Variants in FRMD4A observed in about 807,000 individuals in gnomAD.
The protein encoded by FRMD4A is FERM domain-containing protein 4A.
FRMD4A carries 29 observed loss-of-function variants against 129.1 expected under a neutral mutation model. The ratio of observed to expected loss-of-function variants is 0.22; its 90% CI spans 0.17 to 0.31. FRMD4A has a LOEUF of 0.31. Among genes scored for constraint, FRMD4A ranks in the 10% least tolerant of loss-of-function variants. FRMD4A has a pLI of 1.00. For missense variants in FRMD4A, 1,272 were observed against 1,375.8 expected (o/e 0.92, Z 1.19); for synonymous variants, 634 against 571.6 (o/e 1.11, Z -1.56).
chr10:14,243,565 T>C (rs1844126540), intron 2 of FRMD4A, among the ~76,000 whole-genome samples: 1 of 152,074 alleles, frequency 6.6e-6, no homozygotes, highest in Non-Finnish European at 1.5e-5. Context: ...GCAAATATTA[T>C]GTGAGTCCAT....
intron 2 of FRMD4A, chr10:14,008,320 A>T: frequency 9.6e-7 from 1 of 1,039,962 alleles, no homozygotes; most frequent in Non-Finnish European, 1.2e-6. Context: ...CATCTGAGTC[A>T]AGATGTGGTT....
intron 2 of FRMD4A, among the ~76,000 whole-genome samples, chr10:14,186,533 A>T (rs1447425785): frequency 6.6e-6 from 1 of 152,168 alleles, no homozygotes; most frequent in Non-Finnish European, 1.5e-5. Flanking sequence ...TGCTTTTCTC[A>T]CAAACCTGGT....
At chr10:13,988,588 A>G (rs1003786640) in intron 2 of FRMD4A, among the ~76,000 whole-genome samples, 1 of 152,228 alleles carries the variant, frequency 6.6e-6, no homozygotes, top group Admixed American at 6.5e-5. Context: ...ATATCTACAT[A>G]TATACATAGA....
chr10:14,214,926 A>C (rs1843029953), intron 2 of FRMD4A, among the ~76,000 whole-genome samples: 1 of 152,240 alleles, frequency 6.6e-6, no homozygotes, highest in South Asian at 2.1e-4. Context: ...AATGAATTGC[A>C]CCAATAAATC....
At chr10:13,754,572 G>A (rs947211820) in intron 8 of FRMD4A, among the ~76,000 whole-genome samples, 1 of 20,830 alleles carries the variant, frequency 4.8e-5, no homozygotes, top group African/African-American at 2.9e-4. Flanking sequence ...TCTTTCGTGT[G>A]TGTGTGTGTG....
intron 2 of FRMD4A, among the ~76,000 whole-genome samples, chr10:14,021,908 G>A (rs953213968): frequency 6.6e-6 from 1 of 152,034 alleles, no homozygotes; most frequent in African/African-American, 2.4e-5. Flanking sequence ...AGACACCAGA[G>A]TACAACCTGG....
chr10:14,238,458 A>G (rs1843911367), intron 2 of FRMD4A, among the ~76,000 whole-genome samples: 1 of 152,162 alleles, frequency 6.6e-6, no homozygotes, highest in Non-Finnish European at 1.5e-5. Flanking sequence ...GGATCTTTTA[A>G]CATATCTTTT....
chr10:13,735,406 A>C (rs2090573951), intron 12 of FRMD4A, among the ~76,000 whole-genome samples: 1 of 152,174 alleles, frequency 6.6e-6, no homozygotes, highest in Non-Finnish European at 1.5e-5. Flanking sequence ...ATTATTGTAA[A>C]TTCTCTTATT....
At chr10:14,226,107 T>G (rs12219502) in intron 2 of FRMD4A, among the ~76,000 whole-genome samples, 1 of 152,138 alleles carries the variant, frequency 6.6e-6, no homozygotes, top group Admixed American at 6.5e-5. Flanking sequence ...CCTCCCTGCA[T>G]GTTTTTTTTA....
intron 2 of FRMD4A, among the ~76,000 whole-genome samples, chr10:13,884,194 A>ACACTCACACACACTCACACACACACT (rs2094587770): frequency 1.3e-5 from 1 of 79,836 alleles, no homozygotes; most frequent in East Asian, 3.7e-4. Flanking sequence ...ACACACACAC[A>ACACTCACACACACTCACACACACACT]CTCACACACA....
intron 12 of FRMD4A, chr10:13,707,881 G>C: frequency 8.1e-6 from 8 of 985,394 alleles, no homozygotes; most frequent in Non-Finnish European, 9.6e-6. Flanking sequence ...CTTCGGACCA[G>C]TGAGCTCGTT....
intron 2 of FRMD4A, among the ~76,000 whole-genome samples, chr10:13,933,692 A>G (rs2698121): frequency 0.054 from 8,204 of 152,172 alleles, 530 homozygotes; most frequent in East Asian, 0.27. Context: ...TCAACATAAG[A>G]AGTTTTGTTG....
intron 2 of FRMD4A, among the ~76,000 whole-genome samples, chr10:14,052,470 G>A (rs1344644186): frequency 6.6e-6 from 1 of 152,164 alleles, no homozygotes; most frequent in Non-Finnish European, 1.5e-5. Context: ...TGAGGCCTCA[G>A]GAAGCTTTTA....
At chr10:14,078,335 G>C (rs12257760) in intron 2 of FRMD4A, among the ~76,000 whole-genome samples, 1 of 152,110 alleles carries the variant, frequency 6.6e-6, no homozygotes, top group Non-Finnish European at 1.5e-5. Context: ...CAACCAAATG[G>C]GGTAGAACCC....
At chr10:13,846,575 A>G (rs11258669) in intron 3 of FRMD4A, among the ~76,000 whole-genome samples, 18,854 of 152,214 alleles carry the variant, frequency 0.12, 1,677 homozygotes, top group Non-Finnish European at 0.18. Flanking sequence ...GCTTCTGTCC[A>G]TTACTATGGA....
At chr10:14,227,717 G>A (rs1236492167) in intron 2 of FRMD4A, among the ~76,000 whole-genome samples, 1 of 152,078 alleles carries the variant, frequency 6.6e-6, no homozygotes, top group East Asian at 1.9e-4. Flanking sequence ...CACTAGACTG[G>A]AAGCTCTAGG....
At chr10:14,178,097 C>A (rs1841793970) in intron 2 of FRMD4A, among the ~76,000 whole-genome samples, 1 of 152,210 alleles carries the variant, frequency 6.6e-6, no homozygotes, top group African/African-American at 2.4e-5. Context: ...TGCTATACTG[C>A]AGAAGCTTCA....
At chr10:14,061,979 C>A (rs1834836406) in intron 2 of FRMD4A, among the ~76,000 whole-genome samples, 1 of 152,044 alleles carries the variant, frequency 6.6e-6, no homozygotes, top group Non-Finnish European at 1.5e-5. Flanking sequence ...TTGTTCCTTG[C>A]AGCTAAAGGA....
At chr10:13,731,938 G>C (rs1050543726) in intron 12 of FRMD4A, among the ~76,000 whole-genome samples, 1 of 152,094 alleles carries the variant, frequency 6.6e-6, no homozygotes, top group African/African-American at 2.4e-5. Context: ...CAGTCTGCAG[G>C]GTGTCCCCAC....
Sources: gnomAD v4.1 joint callset for allele counts (sites outside exome capture counted in the v4.1 genomes callset) on GRCh38, gnomAD v4.1.1 for gene constraint, MANE v1.5 for transcripts, NCBI Gene and HGNC (gene_info 2026-07-23, HGNC 2026-07-21) for gene names.